Variants in MEGF11 observed in about 807,000 individuals in gnomAD.
The protein encoded by MEGF11 is multiple epidermal growth factor-like domains protein 11.
MEGF11 carries 126 observed loss-of-function variants against 146.6 expected under a neutral mutation model. That is an observed-to-expected ratio of 0.86 (90% CI 0.74 to 1.00). The LOEUF is 1.00. MEGF11 is among the 50% of genes least tolerant of loss of function. The pLI, the probability that MEGF11 is intolerant of heterozygous loss-of-function variation, is 0.00. For missense variants in MEGF11, 1,509 were observed against 1,521.2 expected, an observed-to-expected ratio of 0.99 and a Z score of 0.13; for synonymous variants, 532 against 583.4, an observed-to-expected ratio of 0.91 and a Z score of 1.27.
At chr15:65,937,878 G>A (rs944706230) in intron 10 of MEGF11, among the ~76,000 whole-genome samples, 26 of 152,388 alleles carry the variant, frequency 1.7e-4, no homozygotes, top group African/African-American at 6.3e-4. Context: ...TAGGTTTTGT[G>A]AAATGTACCA....
At chr15:66,156,572 G>A (rs571480413) in intron 1 of MEGF11, among the ~76,000 whole-genome samples, 39 of 151,934 alleles carry the variant, frequency 2.6e-4, no homozygotes, top group Non-Finnish European at 4.9e-4. Context: ...CCGAGAGGAG[G>A]GAGAAGATGC....
chr15:65,989,472 C>T (rs765682861), intron 5 of MEGF11, among the ~76,000 whole-genome samples: 29 of 152,170 alleles, frequency 1.9e-4, no homozygotes, highest in Non-Finnish European at 3.8e-4. Context: ...GAAGCAGCAG[C>T]GAGAGCTGAC....
intron 10 of MEGF11, among the ~76,000 whole-genome samples, chr15:65,942,506 A>G (rs2080030675): frequency 6.6e-6 from 1 of 151,756 alleles, no homozygotes; most frequent in Non-Finnish European, 1.5e-5. Flanking sequence ...CCTTTGAATG[A>G]GAGAAAGCTG....
At chr15:65,988,309 C>G (rs1220908572) in intron 5 of MEGF11, among the ~76,000 whole-genome samples, 1 of 152,130 alleles carries the variant, frequency 6.6e-6, no homozygotes, top group East Asian at 1.9e-4. Flanking sequence ...CACCTGCCCT[C>G]TGTCTTTATG....
chr15:66,001,573 C>T (rs2141835903), intron 5 of MEGF11, among the ~76,000 whole-genome samples: 1 of 152,236 alleles, frequency 6.6e-6, no homozygotes, highest in African/African-American at 2.4e-5. Context: ...TCTCCTCTCT[C>T]TCTGTCTCTA....
intron 15 of MEGF11, among the ~76,000 whole-genome samples, chr15:65,919,562 A>G (rs1394943697): frequency 3.3e-5 from 5 of 152,242 alleles, no homozygotes; most frequent in African/African-American, 9.6e-5. Context: ...TGACACAGAC[A>G]CGAAGTGTAC....
intron 5 of MEGF11, among the ~76,000 whole-genome samples, chr15:66,026,806 T>G (rs1001185926): frequency 6.6e-6 from 1 of 152,172 alleles, no homozygotes; most frequent in African/African-American, 2.4e-5. Flanking sequence ...GCATTATTGC[T>G]CTGGCTATGT....
intron 1 of MEGF11, among the ~76,000 whole-genome samples, chr15:66,219,615 A>C (rs2140157173): frequency 6.6e-6 from 1 of 152,264 alleles, no homozygotes; most frequent in South Asian, 2.1e-4. Context: ...GCTGATGGGA[A>C]TTTGAAATGG....
intron 7 of MEGF11, among the ~76,000 whole-genome samples, chr15:65,980,553 A>G (rs1045325364): frequency 6.6e-6 from 1 of 151,920 alleles, no homozygotes; most frequent in Non-Finnish European, 1.5e-5. Flanking sequence ...CGTATGACAC[A>G]ACGCCTGGCT....
intron 5 of MEGF11, among the ~76,000 whole-genome samples, chr15:66,020,097 T>G (rs1159272538): frequency 6.6e-6 from 1 of 152,210 alleles, no homozygotes; most frequent in East Asian, 1.9e-4. Context: ...GGTGGTCCTG[T>G]AGGAGGTTGA....
intron 10 of MEGF11, among the ~76,000 whole-genome samples, chr15:65,953,889 G>A (rs535801682): frequency 1.3e-5 from 2 of 152,160 alleles, no homozygotes; most frequent in Non-Finnish European, 2.9e-5. Context: ...CACTCCTCAC[G>A]TTTATGTTGA....
chr15:66,119,825 C>A (rs1426628569), intron 3 of MEGF11, among the ~76,000 whole-genome samples: 1 of 152,164 alleles, frequency 6.6e-6, no homozygotes, highest in East Asian at 1.9e-4. Context: ...CATGGAGCTG[C>A]AGCACTGGGA....
intron 1 of MEGF11, among the ~76,000 whole-genome samples, chr15:66,168,757 C>G (rs1169444215): frequency 2.0e-5 from 3 of 152,194 alleles, no homozygotes; most frequent in Non-Finnish European, 2.9e-5. Flanking sequence ...GGTGGATCAC[C>G]TGAGGTCAGG....
intron 5 of MEGF11, among the ~76,000 whole-genome samples, chr15:66,040,735 G>A (rs1247931948): frequency 2.0e-5 from 3 of 152,142 alleles, no homozygotes; most frequent in Non-Finnish European, 4.4e-5. Flanking sequence ...CATCACGACT[G>A]TCATCACTCA....
intron 5 of MEGF11, among the ~76,000 whole-genome samples, chr15:66,005,326 C>A (rs953820230): frequency 2.0e-5 from 3 of 152,148 alleles, no homozygotes; most frequent in African/African-American, 7.2e-5. Flanking sequence ...CTTTGTGACC[C>A]AGAGCAAATC....
chr15:65,938,250 A>C (rs1233674962), intron 10 of MEGF11, among the ~76,000 whole-genome samples: 1 of 152,228 alleles, frequency 6.6e-6, no homozygotes, highest in African/African-American at 2.4e-5. Context: ...AAAAAAGGGA[A>C]AGTGACTTGC....
At chr15:66,102,221 C>T (rs36128083) in intron 4 of MEGF11, among the ~76,000 whole-genome samples, 15,732 of 124,408 alleles carry the variant, frequency 0.13, 1,698 homozygotes, top group East Asian at 0.28. Flanking sequence ...CTCGGCCGAG[C>T]TGTTCGAACC....
chr15:66,117,768 A>T (rs1384759602), intron 4 of MEGF11, among the ~76,000 whole-genome samples: 1 of 152,108 alleles, frequency 6.6e-6, no homozygotes, highest in Non-Finnish European at 1.5e-5. Flanking sequence ...ACCCCATCCC[A>T]GGTGAGGTAC....
intron 5 of MEGF11, among the ~76,000 whole-genome samples, chr15:66,086,941 C>A (rs1406822975): frequency 2.6e-5 from 4 of 152,162 alleles, no homozygotes; most frequent in African/African-American, 9.7e-5. Context: ...ACTCATCTAA[C>A]ACCTAAGGAC....
Sources: gnomAD v4.1 joint callset for allele counts (sites outside exome capture counted in the v4.1 genomes callset) on GRCh38, gnomAD v4.1.1 for gene constraint, MANE v1.5 for transcripts, NCBI Gene and HGNC (gene_info 2026-07-23, HGNC 2026-07-21) for gene names.